STARD13: variants seen among roughly 807,000 people sequenced by gnomAD.
STARD13 encodes stAR-related lipid transfer protein 13.
Under a neutral mutation model 106.4 loss-of-function variants are expected in STARD13, and 62 were observed. The observed-to-expected ratio is 0.58, with a 90% CI of 0.48 to 0.72. STARD13 has a LOEUF of 0.72. STARD13 is among the 30% of genes least tolerant of loss of function. The pLI is 0.00. For missense variants in STARD13, 1,387 were observed against 1,424.0 expected, an observed-to-expected ratio of 0.97 and a Z score of 0.42; for synonymous variants, 565 against 553.0, an observed-to-expected ratio of 1.02 and a Z score of -0.31.
the STARD13 span, among the ~76,000 whole-genome samples, chr13:33,617,037 T>A: frequency 6.6e-6 from 1 of 152,234 alleles, no homozygotes; most frequent in African/African-American, 2.4e-5. Flanking sequence ...CCCTATGTTA[T>A]TAGTGCCATT....
chr13:33,625,894 G>A, the STARD13 span, among the ~76,000 whole-genome samples: 2 of 152,040 alleles, frequency 1.3e-5, no homozygotes, highest in African/African-American at 4.8e-5. Flanking sequence ...TAGAGATGGG[G>A]TTTCACCATG....
chr13:33,310,995 A>C (rs1041638839), intron 1 of STARD13, among the ~76,000 whole-genome samples: 4 of 152,076 alleles, frequency 2.6e-5, no homozygotes, highest in African/African-American at 9.7e-5. Context: ...AGGTACAGTA[A>C]AAATACAGTA....
rs111937348 is a variant in STARD13, at chr13:33,308,712, C to T, written c.124+41578G>A. Among the ~76,000 whole-genome samples the T allele has an allele frequency of 8.1e-3, 1,225 of 152,008 alleles. 14 individuals carry two copies. Among genetic ancestry groups the T allele is most frequent in the African/African-American group, 0.028 (1,154 of 41,474 alleles). On this transcript the variant is annotated intron_variant, in intron 1 of 5. Transcript: ENST00000567873. Reference sequence around the variant, plus strand: ...CTAATTTTTGTGTTTTTAGTAGAGACAACGTTTCACCATGTTGGTCAGCCT... The same window carrying T: ...CTAATTTTTGTGTTTTTAGTAGAGATAACGTTTCACCATGTTGGTCAGCCT...
intron 8 of STARD13, chr13:33,113,522 G>T: frequency 1.9e-6 from 1 of 513,290 alleles, no homozygotes; most frequent in Admixed American, 2.0e-5. Context: ...CCAGCTTCTC[G>T]AGGGGAAGCC....
chr13:33,670,118 A>G, the STARD13 span, among the ~76,000 whole-genome samples: 5 of 152,198 alleles, frequency 3.3e-5, no homozygotes, highest in Non-Finnish European at 5.9e-5. Context: ...CAAGGATTAC[A>G]TATGTATTCA....
At chr13:33,255,103 C>CT (rs1032942967) in intron 1 of STARD13, among the ~76,000 whole-genome samples, 2 of 142,916 alleles carry the variant, frequency 1.4e-5, no homozygotes, top group Admixed American at 1.3e-4. Flanking sequence ...TGTGCTCCCC[C>CT]CCCCCTCAGA....
chr13:33,296,685 C>A (rs1892508903), intron 1 of STARD13, among the ~76,000 whole-genome samples: 2 of 152,138 alleles, frequency 1.3e-5, no homozygotes, highest in Admixed American at 1.3e-4. Context: ...ATGGTATAAT[C>A]TCAGCTCACT....
chr13:33,112,995 C>T, intron 8 of STARD13, 64 bp from the exon 9 acceptor site: 1 of 1,264,570 alleles, frequency 7.9e-7, no homozygotes, highest in African/African-American at 1.5e-5. Flanking sequence ...CTGGGAAGCA[C>T]TGTGTAAGCT....
chr13:33,659,810 A>T, the STARD13 span: 3 of 152,222 alleles, frequency 2.0e-5, no homozygotes, highest in African/African-American at 7.2e-5. Flanking sequence ...TCCTGAGCTA[A>T]GCCAGACTGT....
chr13:33,129,582 C>G lies in STARD13; in HGVS notation c.1095G>C (p.Glu365Asp), dbSNP rs1427934986. 1 of 1,614,166 alleles carries G rather than the reference C, an allele frequency of 6.2e-7. No individual in the cohort carries two copies. Among genetic ancestry groups the G allele is most frequent in the South Asian group, 1.1e-5 (1 of 91,086 alleles). Residue 365 changes from glutamate (E) to aspartate (D), a missense_variant, in exon 5 of 14, where the codon GAG (glutamate) becomes GAC (aspartate). By Grantham distance (45) the Glu-to-Asp change is conservative. Coordinates refer to ENST00000336934, the MANE Select transcript of STARD13 (RefSeq NM_178006.4). ...CTGTCCCCGCCAGCACATCTAGGTCCTCCAAGTACATGCCCCCGCGCTTGT... is the reference window on the plus strand; with the variant it reads ...CTGTCCCCGCCAGCACATCTAGGTCGTCCAAGTACATGCCCCCGCGCTTGT... ...EANKRGGMYL[E>D]DLDVLAGTAL...
In STARD13 at chr13:33,167,754, A is replaced by G; in HGVS notation, c.170-132T>C. 4 of 833,828 alleles carry G rather than the reference A, an allele frequency of 4.8e-6. No individual in the cohort carries two copies. The South Asian group carries it at 6.2e-5, about 13-fold the overall frequency. 51.7% of individuals were successfully genotyped at this position (833,828 alleles called of 1,614,324 possible). On this transcript the variant is annotated intron_variant, in intron 1 of 13. Transcript: ENST00000336934. ...GCAAAATTGTTCCAGGTAAGTCTGC[A>G]TAAGTAGGCTTACCCGGGAGTGGGT...
the STARD13 span, among the ~76,000 whole-genome samples, chr13:33,467,722 T>C: frequency 6.6e-6 from 1 of 152,170 alleles, no homozygotes; most frequent in African/African-American, 2.4e-5. Flanking sequence ...TTAGACACAT[T>C]ACCTGTACTA....
chr13:33,411,496 G>A, the STARD13 span, among the ~76,000 whole-genome samples: 1 of 151,882 alleles, frequency 6.6e-6, no homozygotes, highest in Non-Finnish European at 1.5e-5. Context: ...AGGCTGCTCT[G>A]TGGGCAGCAC....
the STARD13 span, chr13:33,656,905 A>G: frequency 6.6e-6 from 1 of 152,202 alleles, no homozygotes; most frequent in African/African-American, 2.4e-5. Context: ...AGTTCTCTAG[A>G]GGATCTTGAG....
At chr13:33,414,563 T>C in the STARD13 span, among the ~76,000 whole-genome samples, 1 of 152,106 alleles carries the variant, frequency 6.6e-6, no homozygotes, top group Non-Finnish European at 1.5e-5. Flanking sequence ...ATATTGTATG[T>C]TTCATTTATA....
intron 1 of STARD13, among the ~76,000 whole-genome samples, chr13:33,240,215 G>T (rs565083688): frequency 6.6e-6 from 1 of 152,190 alleles, no homozygotes; most frequent in East Asian, 1.9e-4. Context: ...TTTGTTCCTT[G>T]GCTCTCTATT....
chr13:33,240,760 C>T (rs939223909), intron 1 of STARD13, among the ~76,000 whole-genome samples: 2 of 151,594 alleles, frequency 1.3e-5, no homozygotes, highest in Non-Finnish European at 2.9e-5. Context: ...TTAAGTTTAT[C>T]CTTAAGTATT....
chr13:33,167,761 G>A, intron 1 of STARD13, 139 bp from the exon 2 acceptor site: 1 of 764,688 alleles, frequency 1.3e-6, no homozygotes, highest in Non-Finnish European at 2.2e-6. Flanking sequence ...TGCATAAGTA[G>A]GCTTACCCGG....
At chr13:33,216,327 A>G (rs1380405413) in intron 1 of STARD13, among the ~76,000 whole-genome samples, 2 of 152,228 alleles carry the variant, frequency 1.3e-5, no homozygotes, top group South Asian at 4.1e-4. Flanking sequence ...ATGCCCATCA[A>G]TCAATGAGTG....
Sources: allele counts gnomAD v4.1 joint callset (sites outside exome capture counted in the v4.1 genomes callset), GRCh38; gene constraint gnomAD v4.1.1; transcripts MANE v1.5; gene names NCBI Gene and HGNC (gene_info 2026-07-23, HGNC 2026-07-21).